Variants in OSBP2 observed in about 807,000 individuals in gnomAD.
OSBP2 encodes the protein oxysterol binding protein 2, also known as oxysterol-binding protein 2.
In OSBP2, 66 loss-of-function variants were observed where a neutral mutation model predicts 96.0. The observed-to-expected ratio is 0.69, with a 90% CI of 0.56 to 0.84. OSBP2 has a LOEUF of 0.84. Ranked by LOEUF, OSBP2 falls within the 40% of genes least tolerant of loss-of-function variation. The pLI, the probability that OSBP2 is intolerant of heterozygous loss-of-function variation, is 0.00. For synonymous variants in OSBP2, 525 were observed against 520.9 expected, an observed-to-expected ratio of 1.01 and a Z score of -0.11; for missense variants, 1,038 against 1,222.7, an observed-to-expected ratio of 0.85 and a Z score of 2.25.
intron 12 of OSBP2, among the ~76,000 whole-genome samples, chr22:30,899,939 A>T (rs1225008224): frequency 2.0e-5 from 3 of 152,234 alleles, no homozygotes; most frequent in Non-Finnish European, 4.4e-5. Context: ...GCATTTCAGC[A>T]AACAACTAGA....
At chr22:30,894,041 G>A (rs776686835) in intron 12 of OSBP2, 40 bp downstream of exon 12, 1 of 1,543,240 alleles carries the variant, frequency 6.5e-7, no homozygotes, top group Non-Finnish European at 8.7e-7. Flanking sequence ...AGGCAAAGGA[G>A]AGGGAAGGAG....
At position 30,889,510 on chromosome 22, in the gene OSBP2, C is replaced by T. The variant is rs747343327; in HGVS notation, c.1497C>T (p.Leu499=). 1.1e-5 allele frequency: 18 copies of T among 1,613,966 alleles called. No individual in the cohort carries two copies. Among genetic ancestry groups the T allele is most frequent in the Middle Eastern group, 1.6e-4 (1 of 6,084 alleles). ...GGCAGGTACTAGATGGTGCCTCGCT[C>T]GTGCCCAAGGGTTCATCCAAAGTCA... ...SADNVLDGAS[L]VPKGSSKVKR... The change falls in exon 7 of 14, where the codon CTC becomes CTT. Residue 499 remains leucine, a synonymous_variant. Transcript: ENST00000332585.
chr22:30,695,659 T>C, intron 1 of OSBP2, 106 bp downstream of exon 1: 1 of 1,501,110 alleles, frequency 6.7e-7, no homozygotes, highest in South Asian at 1.3e-5. Flanking sequence ...AGTCTAGAGA[T>C]GTTTAGGGGC....
intron 2 of OSBP2, among the ~76,000 whole-genome samples, chr22:30,867,834 C>G (rs1291323221): frequency 6.6e-6 from 1 of 152,268 alleles, no homozygotes; most frequent in East Asian, 1.9e-4. Flanking sequence ...GCTTACAGAG[C>G]AGGGGTCACA....
intron 2 of OSBP2, among the ~76,000 whole-genome samples, chr22:30,859,967 C>G (rs1002238710): frequency 6.6e-6 from 1 of 152,098 alleles, no homozygotes; most frequent in South Asian, 2.1e-4. Flanking sequence ...GAGGCAGCAC[C>G]CAGGCCATGA....
chr22:30,841,665 G>A (rs2038755757), intron 2 of OSBP2, among the ~76,000 whole-genome samples: 2 of 152,146 alleles, frequency 1.3e-5, no homozygotes, highest in Non-Finnish European at 2.9e-5. Flanking sequence ...GTGAGCAATA[G>A]CATTATGTCT....
intron 2 of OSBP2, among the ~76,000 whole-genome samples, chr22:30,801,798 A>T (rs1290119419): frequency 6.6e-6 from 1 of 151,976 alleles, no homozygotes; most frequent in Non-Finnish European, 1.5e-5. Context: ...ACACAGCAAG[A>T]CCCCATTTCA....
chr22:30,730,716 G>GTCTCTC lies in OSBP2; in HGVS notation c.645-10391_645-10386dup, dbSNP rs1191165719. ...CATCTGGATTCAGATTCGCTGCCCT[G>GTCTCTC]TCTCTCTCTCTCTCTCTCTCTCTCT... On this transcript the variant is annotated intron_variant, in intron 1 of 13. Transcript: ENST00000332585. 5.4e-3 allele frequency among the ~76,000 whole-genome samples: 107 copies of GTCTCTC among 19,952 alleles called. 9 individuals are homozygous for GTCTCTC. Among genetic ancestry groups the GTCTCTC allele is most frequent in the Non-Finnish European group, 6.8e-3 (71 of 10,368 alleles). 13.1% of individuals were successfully genotyped at this position (19,952 alleles called of 152,430 possible).
rs371614653 is a variant in OSBP2 at position 30,741,213 on chromosome 22, G to A, written c.697G>A (p.Ala233Thr). The A allele has an allele frequency of 9.3e-6, 15 of 1,614,022 alleles. No individual in the cohort carries two copies. Among genetic ancestry groups the A allele is most frequent in the Admixed American group, 1.7e-5 (1 of 60,000 alleles). ...CCGTGGAACCATCAACCTGTCCACCGCGCACATTGACACGGAGGACTCTTG... is the reference window on the plus strand; with the variant it reads ...CCGTGGAACCATCAACCTGTCCACCACGCACATTGACACGGAGGACTCTTG... Reference protein sequence around the residue: ...TCRGTINLSTAHIDTEDSCGI... With the variant: ...TCRGTINLSTTHIDTEDSCGI... The change falls in exon 2 of 14, where the codon GCG becomes ACG. Residue 233 changes from alanine (A) to threonine (T), a missense_variant. Physicochemically the swap from Ala to Thr is moderately conservative, Grantham distance 58 (BLOSUM62 0). This residue lies in a region of OSBP2 where 737 missense variants were observed against 913.3 expected (regional missense o/e 0.81). Transcript: ENST00000332585.
upstream of OSBP2, chr22:30,694,472 AC>A: frequency 1.7e-6 from 2 of 1,207,224 alleles, no homozygotes; most frequent in Non-Finnish European, 1.1e-6. Flanking sequence ...CGGAGAGCGA[AC>A]CCACCCCAGC....
At chr22:30,810,689 C>T (rs1481517324) in intron 2 of OSBP2, among the ~76,000 whole-genome samples, 1 of 152,170 alleles carries the variant, frequency 6.6e-6, no homozygotes, top group African/African-American at 2.4e-5. Flanking sequence ...GGGCCCGTCA[C>T]CATGGGCGGC....
chr22:30,731,820 G>A (rs1413066158), intron 1 of OSBP2, among the ~76,000 whole-genome samples: 2 of 152,158 alleles, frequency 1.3e-5, no homozygotes. Context: ...TGTGAAACAA[G>A]GTCATCTGCT....
At chr22:30,847,297 C>G (rs567437767) in intron 2 of OSBP2, among the ~76,000 whole-genome samples, 1 of 150,852 alleles carries the variant, frequency 6.6e-6, no homozygotes, top group Non-Finnish European at 1.5e-5. Context: ...TTTTCTTTTT[C>G]CCTGAGAGGG....
At chr22:30,760,853 G>T (rs770096540) in intron 2 of OSBP2, among the ~76,000 whole-genome samples, 2 of 151,782 alleles carry the variant, frequency 1.3e-5, no homozygotes, top group African/African-American at 4.8e-5. Flanking sequence ...AATATAAATG[G>T]AATCATAATA....
At chr22:30,895,892 C>T (rs142966202) in intron 12 of OSBP2, among the ~76,000 whole-genome samples, 7,317 of 145,790 alleles carry the variant, frequency 0.05, 248 homozygotes, top group East Asian at 0.12. Context: ...GAGCCGAGAT[C>T]GTGCCACTGC....
intron 1 of OSBP2, among the ~76,000 whole-genome samples, chr22:30,738,355 G>A (rs2089886336): frequency 1.3e-5 from 2 of 152,002 alleles, no homozygotes; most frequent in South Asian, 4.1e-4. Context: ...AGCCTAAAAT[G>A]TCCTTAAATC....
chr22:30,716,169 G>A, intron 1 of OSBP2, among the ~76,000 whole-genome samples: 1 of 151,458 alleles, frequency 6.6e-6, no homozygotes, highest in East Asian at 2.0e-4. Flanking sequence ...AGCCTCCTGA[G>A]TAGCTGTGAT....
chr22:30,750,232 A>G (rs1156918604), intron 2 of OSBP2, among the ~76,000 whole-genome samples: 1 of 152,190 alleles, frequency 6.6e-6, no homozygotes, highest in East Asian at 1.9e-4. Context: ...CGTCTATGGA[A>G]TGAACAGTTG....
intron 3 of OSBP2, among the ~76,000 whole-genome samples, chr22:30,875,228 A>G (rs1325049674): frequency 2.0e-5 from 3 of 151,558 alleles, no homozygotes; most frequent in Admixed American, 2.0e-4. Context: ...ACCCCCCTGC[A>G]CTCCCCTTCC....
Sources: gnomAD v4.1 joint callset for allele counts (sites outside exome capture counted in the v4.1 genomes callset) on GRCh38, gnomAD v4.1.1 for gene constraint, gnomAD v4.1.1 regional missense constraint, MANE v1.5 for transcripts, NCBI Gene and HGNC (gene_info 2026-07-23, HGNC 2026-07-21) for gene names.